The following DCDC1 variants were observed in gnomAD, a reference collection of about 807,000 sequenced individuals.
DCDC1 encodes doublecortin domain containing 1.
A neutral mutation model predicts 178.3 loss-of-function variants in DCDC1; 200 were observed. That is an observed-to-expected ratio of 1.12 (90% CI 1.00 to 1.26). The LOEUF (loss-of-function observed/expected upper bound fraction) is 1.26, where lower values mean the gene tolerates loss of function less well. DCDC1 is among the 50% of genes most tolerant of loss of function. The pLI is 0.00. For missense variants in DCDC1, 1,983 were observed against 1,749.2 expected (o/e 1.13, Z -2.38); for synonymous variants, 690 against 604.8 (o/e 1.14, Z -2.07).
intron 36 of DCDC1, among the ~76,000 whole-genome samples, chr11:30,891,388 TTAGATA>T (rs1353871375): frequency 6.6e-6 from 1 of 152,138 alleles, no homozygotes; most frequent in Non-Finnish European, 1.5e-5. Flanking sequence ...CATCCCCCAG[TTAGATA>T]TAGATATAAG....
chr11:31,065,141 A>G lies in DCDC1; in HGVS notation c.2311T>C (p.Phe771Leu). Reference protein sequence around the residue: ...GCIYSKAYPQFVLTYLEELNA... With the variant: ...GCIYSKAYPQLVLTYLEELNA... ...AGCTCCTCTAGGTAGGTCAGAACAA[A>G]CTGAGGATAAGCCTGTAAGAAAGGA... Residue 771 changes from phenylalanine to leucine, a missense_variant, in exon 19 of 39, where the codon TTT (phenylalanine) becomes CTT (leucine). Transcript: ENST00000684477. The G allele has an allele frequency of 2.6e-6, 2 of 760,452 alleles. No individual in the cohort carries two copies. The highest frequency in any genetic ancestry group is 4.9e-5 in the East Asian group (2 of 41,132). 47.1% of individuals were successfully genotyped at this position (760,452 alleles called of 1,614,324 possible). A position where few individuals can be genotyped will look rare whatever the true frequency, so the allele number is the denominator to read the frequency against.
chr11:30,869,678 G>T (rs1052493480), intron 38 of DCDC1, among the ~76,000 whole-genome samples: 9 of 152,186 alleles, frequency 5.9e-5, no homozygotes, highest in Non-Finnish European at 1.2e-4. Flanking sequence ...GGAAGAAAAT[G>T]TGCAAAATCA....
At chr11:31,346,402 T>G (rs1203609457) in intron 1 of DCDC1, among the ~76,000 whole-genome samples, 1 of 143,238 alleles carries the variant, frequency 7.0e-6, no homozygotes, top group Non-Finnish European at 1.5e-5. Context: ...AGGCGGAGAT[T>G]GCGGTGAGCC....
chr11:31,076,417 C>T (rs892249936), intron 18 of DCDC1, among the ~76,000 whole-genome samples: 15 of 152,098 alleles, frequency 9.9e-5, no homozygotes, highest in Non-Finnish European at 2.2e-4. Flanking sequence ...GGCATGAACA[C>T]AGCTCACTGC....
chr11:30,948,510 A>AT (rs1218931014), intron 21 of DCDC1, among the ~76,000 whole-genome samples: 2 of 152,162 alleles, frequency 1.3e-5, no homozygotes, highest in African/African-American at 4.8e-5. Flanking sequence ...ACTACTTTAA[A>AT]TTTCATATGG....
At chr11:31,260,188 G>T (rs59356048) in intron 8 of DCDC1, among the ~76,000 whole-genome samples, 39,836 of 152,034 alleles carry the variant, frequency 0.26, 5,377 homozygotes, top group African/African-American at 0.32. Flanking sequence ...TTAGGACTTT[G>T]ATTTCTTTGC....
intron 9 of DCDC1, among the ~76,000 whole-genome samples, chr11:31,186,176 A>T (rs555198656): frequency 4.9e-4 from 75 of 152,180 alleles, no homozygotes; most frequent in Admixed American, 2.1e-3. Context: ...TACTGGCTTC[A>T]TGTGACCTGG....
intron 20 of DCDC1, among the ~76,000 whole-genome samples, chr11:31,017,070 C>T (rs965128029): frequency 6.6e-6 from 1 of 152,012 alleles, no homozygotes. Flanking sequence ...CTAATTGATG[C>T]AGATACTACT....
intron 27 of DCDC1, among the ~76,000 whole-genome samples, chr11:30,915,114 T>G (rs914195097): frequency 2.6e-5 from 4 of 152,088 alleles, no homozygotes; most frequent in African/African-American, 9.7e-5. Context: ...AGGTGTGTGT[T>G]GGGGGAAGGA....
intron 17 of DCDC1, among the ~76,000 whole-genome samples, chr11:31,078,399 GAGTAAGA>G (rs1956989509): frequency 6.6e-6 from 1 of 152,142 alleles, no homozygotes; most frequent in Non-Finnish European, 1.5e-5. Context: ...AGCTAAGTCT[GAGTAAGA>G]AAAAACTAAA....
At chr11:31,322,473 G>C (rs529973630) in intron 3 of DCDC1, among the ~76,000 whole-genome samples, 1 of 152,150 alleles carries the variant, frequency 6.6e-6, no homozygotes, top group Non-Finnish European at 1.5e-5. Flanking sequence ...TAAAGCCAAT[G>C]ATGGTAATTT....
chr11:31,321,839 G>A (rs1341360569), intron 3 of DCDC1, among the ~76,000 whole-genome samples: 1 of 152,062 alleles, frequency 6.6e-6, no homozygotes, highest in Non-Finnish European at 1.5e-5. Flanking sequence ...AGGTGAAAGA[G>A]AGAACTATTA....
intron 24 of DCDC1, among the ~76,000 whole-genome samples, chr11:30,921,912 G>A (rs1486374333): frequency 1.3e-5 from 2 of 152,052 alleles, no homozygotes; most frequent in Admixed American, 6.6e-5. Context: ...CAGGGGTGAG[G>A]TGGCTCTGTA....
intron 17 of DCDC1, among the ~76,000 whole-genome samples, chr11:31,080,968 G>T (rs1957133596): frequency 6.6e-6 from 1 of 152,050 alleles, no homozygotes; most frequent in African/African-American, 2.4e-5. Flanking sequence ...ATCGAATTAC[G>T]GTGTTGCCTT....
chr11:30,881,016 T>G, intron 37 of DCDC1, 142 bp downstream of exon 37: 1 of 945,004 alleles, frequency 1.1e-6, no homozygotes, highest in Non-Finnish European at 1.5e-6. Context: ...ATATATAAAT[T>G]TAACTTCCAT....
chr11:31,363,389 C>T (rs1007178264), intron 1 of DCDC1, among the ~76,000 whole-genome samples: 1 of 152,000 alleles, frequency 6.6e-6, no homozygotes, highest in African/African-American at 2.4e-5. Flanking sequence ...GAAAAATATG[C>T]AAGTAACAAA....
At position 31,065,158 on chromosome 11, in the gene DCDC1, A is replaced by G; in HGVS notation, c.2299-5T>C. On this transcript the variant is annotated splice_region_variant and splice_polypyrimidine_tract_variant and intron_variant, in intron 18 of 38. Coordinates refer to ENST00000684477, the MANE Select transcript of DCDC1 (RefSeq NM_001387274.1). ...CAGAACAAACTGAGGATAAGCCTGT[A>G]AGAAAGGAAAAAATAACAAGTAGTA... 1 of 740,354 alleles carries G rather than the reference A, an allele frequency of 1.4e-6. No individual in the cohort carries two copies. Among genetic ancestry groups the G allele is most frequent in the South Asian group, 1.4e-5 (1 of 69,760 alleles). 45.9% of individuals were successfully genotyped at this position (740,354 alleles called of 1,614,324 possible).
rs1011564322 is a variant in DCDC1 at position 31,216,995 on chromosome 11, T to C, written c.1221+24455A>G. ...CAATAAATATGTTTATTAATTAACA[T>C]AGATTGTATTTCTCTTAGAAACAAC... On this transcript the variant is annotated intron_variant, in intron 9 of 38. Coordinates refer to ENST00000684477, the MANE Select transcript of DCDC1 (RefSeq NM_001387274.1). Among the ~76,000 whole-genome samples the C allele has an allele frequency of 5.3e-5, 8 of 152,302 alleles. 1 individual carries two copies. The South Asian group carries it at 6.2e-4, about 12-fold the overall frequency.
At chr11:31,345,177 TG>T (rs1478434804) in intron 1 of DCDC1, among the ~76,000 whole-genome samples, 1 of 152,188 alleles carries the variant, frequency 6.6e-6, no homozygotes, top group Non-Finnish European at 1.5e-5. Context: ...TTATAGTATG[TG>T]GTTATTGCAG....
Sources: gnomAD v4.1 joint callset for allele counts (sites outside exome capture counted in the v4.1 genomes callset) on GRCh38, gnomAD v4.1.1 for gene constraint, MANE v1.5 for transcripts, NCBI Gene and HGNC (gene_info 2026-07-23, HGNC 2026-07-21) for gene names.